Variants in CSMD1 observed in about 807,000 individuals in gnomAD.
CSMD1 encodes the protein CUB and sushi domain-containing protein 1.
CSMD1 carries 213 observed loss-of-function variants against 417.5 expected under a neutral mutation model. The ratio of observed to expected loss-of-function variants is 0.51; its 90% CI spans 0.46 to 0.57. CSMD1 has a LOEUF of 0.57. Among genes scored for constraint, CSMD1 ranks in the 20% least tolerant of loss-of-function variants. The pLI is 0.00. For missense variants in CSMD1, 6,923 were observed against 4,529.7 expected, an observed-to-expected ratio of 1.53 and a Z score of -15.17; for synonymous variants, 2,862 against 1,736.8, an observed-to-expected ratio of 1.65 and a Z score of -16.11.
chr8:4,766,767 T>C (rs1388610750), intron 1 of CSMD1, among the ~76,000 whole-genome samples: 2 of 152,216 alleles, frequency 1.3e-5, no homozygotes, highest in African/African-American at 4.8e-5. Flanking sequence ...TTTATGAAGG[T>C]TTGTACGCAC....
chr8:3,204,466 A>C (rs1426413178), intron 31 of CSMD1, among the ~76,000 whole-genome samples: 1 of 152,152 alleles, frequency 6.6e-6, no homozygotes, highest in Non-Finnish European at 1.5e-5. Context: ...GACTTTAAAG[A>C]ATTTGGTCCA....
chr8:3,911,144 G>A lies in CSMD1; in HGVS notation c.818+86759C>T, dbSNP rs552896539. ...GGTTGCCAATCACAGGACTCAAAGA[G>A]CTCTCAGAAAATCATATAATGCAAG... On this transcript the variant is annotated intron_variant, in intron 5 of 69. Transcript: ENST00000635120. 2.4e-4 allele frequency among the ~76,000 whole-genome samples: 37 copies of A among 152,256 alleles called. No individual in the cohort carries two copies. In the South Asian group the frequency reaches 6.0e-3, roughly 25 times the overall value.
chr8:3,953,534 G>C (rs1402341013), intron 5 of CSMD1, among the ~76,000 whole-genome samples: 1 of 152,120 alleles, frequency 6.6e-6, no homozygotes, highest in Non-Finnish European at 1.5e-5. Context: ...ATTGCCCTGA[G>C]TGGAGTTTTA....
intron 5 of CSMD1, among the ~76,000 whole-genome samples, chr8:3,791,468 A>G (rs1247198487): frequency 6.6e-6 from 1 of 152,220 alleles, no homozygotes; most frequent in Non-Finnish European, 1.5e-5. Context: ...AGCTTGTAAT[A>G]CGTTCTTTAG....
intron 2 of CSMD1, among the ~76,000 whole-genome samples, chr8:4,575,261 T>C (rs1452334594): frequency 1.3e-5 from 2 of 152,232 alleles, no homozygotes; most frequent in South Asian, 4.1e-4. Context: ...AAGGTGGAGA[T>C]CATTCTCATT....
At position 3,753,956 on chromosome 8, in the gene CSMD1, C is replaced by T. The variant is rs754405745; in HGVS notation, c.905G>A (p.Arg302His). Reference sequence around the variant, plus strand: ...TTGGAACTGAGCGTTAAATCCTTTGCGTCGGTGGTTGCTGTCAGAGGTGAA... The same window carrying T: ...TTGGAACTGAGCGTTAAATCCTTTGTGTCGGTGGTTGCTGTCAGAGGTGAA... ...LHFTSDSNHR[R>H]KGFNAQFQVK... is the part of the protein sequence containing the mutation. The change falls in exon 6 of 70, where the codon CGC becomes CAC. Residue 302 changes from arginine (R) to histidine (H), a missense_variant. By Grantham distance (29) the Arg-to-His change is conservative. Coordinates refer to ENST00000635120, the MANE Select transcript of CSMD1 (RefSeq NM_033225.6). 30 of 1,611,236 alleles carry T rather than the reference C, an allele frequency of 1.9e-5. No homozygotes were observed. Among genetic ancestry groups the T allele is most frequent in the South Asian group, 4.4e-5 (4 of 91,004 alleles).
intron 5 of CSMD1, among the ~76,000 whole-genome samples, chr8:3,990,798 G>T (rs540812155): frequency 1.3e-5 from 2 of 152,146 alleles, no homozygotes; most frequent in East Asian, 3.9e-4. Context: ...GAGAGGGGAG[G>T]GCAGGAAATA....
chr8:4,515,673 G>C (rs1803077536), intron 2 of CSMD1, among the ~76,000 whole-genome samples: 1 of 152,260 alleles, frequency 6.6e-6, no homozygotes, highest in East Asian at 1.9e-4. Context: ...GTGTTTGCCT[G>C]TGGTAAGCAA....
chr8:4,172,540 T>A (rs143012537), intron 3 of CSMD1, among the ~76,000 whole-genome samples: 1 of 152,062 alleles, frequency 6.6e-6, no homozygotes, highest in Non-Finnish European at 1.5e-5. Flanking sequence ...TCTGCTTTGC[T>A]TGCAGTGGAA....
At chr8:3,610,707 C>G (rs1801849617) in intron 8 of CSMD1, among the ~76,000 whole-genome samples, 1 of 152,016 alleles carries the variant, frequency 6.6e-6, no homozygotes, top group Non-Finnish European at 1.5e-5. Flanking sequence ...TTCATATGTT[C>G]TTTCTCTTAA....
intron 7 of CSMD1, among the ~76,000 whole-genome samples, chr8:3,654,203 A>G (rs1162896381): frequency 2.0e-5 from 3 of 152,190 alleles, no homozygotes; most frequent in Admixed American, 6.5e-5. Flanking sequence ...TTTAATATTT[A>G]CCTTCAGTTT....
intron 30 of CSMD1, among the ~76,000 whole-genome samples, chr8:3,213,478 A>G (rs1170186249): frequency 2.0e-5 from 3 of 152,086 alleles, no homozygotes; most frequent in Non-Finnish European, 4.4e-5. Context: ...GTTCACACCC[A>G]CAGGGCAGCT....
chr8:3,340,305 T>G (rs914000341), intron 23 of CSMD1, among the ~76,000 whole-genome samples: 2 of 152,182 alleles, frequency 1.3e-5, no homozygotes. Context: ...GATTGTAAAG[T>G]TGAAAGGTCC....
At chr8:3,669,785 C>G (rs981326117) in intron 7 of CSMD1, among the ~76,000 whole-genome samples, 2 of 152,092 alleles carry the variant, frequency 1.3e-5, no homozygotes, top group African/African-American at 4.8e-5. Context: ...TCAGAGCCCT[C>G]AGGGATCCAC....
chr8:4,934,120 C>A (rs999238017), intron 1 of CSMD1, among the ~76,000 whole-genome samples: 1 of 152,132 alleles, frequency 6.6e-6, no homozygotes, highest in African/African-American at 2.4e-5. Context: ...AGGGAGAGAC[C>A]TTTGACAAGG....
At chr8:4,142,874 T>C (rs890253351) in intron 3 of CSMD1, among the ~76,000 whole-genome samples, 1 of 151,154 alleles carries the variant, frequency 6.6e-6, no homozygotes, top group Non-Finnish European at 1.5e-5. Flanking sequence ...CATTTGATAA[T>C]ATGATTAGTA....
In CSMD1 at chr8:2,935,880, G is replaced by A. The variant is rs1322145269; in HGVS notation, c.*2705C>T. The A allele has an allele frequency of 1.3e-5, 2 of 152,200 alleles. No homozygotes were observed. The highest frequency in any genetic ancestry group is 1.3e-4 in the Admixed American group (2 of 15,286). The allele number at this position is 152,200 out of a possible 1,614,324, so 9.4% of individuals were successfully genotyped here. On this transcript the variant is annotated 3_prime_UTR_variant, in exon 70 of 70. Transcript: ENST00000635120. ...GCTAGCCTGAAAAAAGGCAAGATGT[G>A]TGTGTAAAACAAGCAGCAGTTTTAA... is the stretch of plus-strand genomic sequence containing the variant.
intron 6 of CSMD1, among the ~76,000 whole-genome samples, chr8:3,722,436 A>G (rs1209667894): frequency 7.9e-5 from 12 of 152,320 alleles, no homozygotes. Flanking sequence ...CTAATCTTAA[A>G]TAAATATTAA....
At chr8:4,446,761 G>GTGTGTGTC (rs1798830028) in intron 2 of CSMD1, among the ~76,000 whole-genome samples, 1 of 69,014 alleles carries the variant, frequency 1.4e-5, no homozygotes, top group African/African-American at 8.5e-5. Context: ...GTGTCTGTGT[G>GTGTGTGTC]TGTGTGTGTG....
Sources: gnomAD v4.1 joint callset for allele counts (sites outside exome capture counted in the v4.1 genomes callset) on GRCh38, gnomAD v4.1.1 for gene constraint, MANE v1.5 for transcripts, NCBI Gene and HGNC (gene_info 2026-07-23, HGNC 2026-07-21) for gene names.